The following CAPN5 variants were observed in gnomAD, a reference collection of about 807,000 sequenced individuals.
CAPN5 encodes calpain-5.
Under a neutral mutation model 73.0 loss-of-function variants are expected in CAPN5, and 54 were observed. The ratio of observed to expected loss-of-function variants is 0.74; its 90% confidence interval spans 0.59 to 0.93. The LOEUF (loss-of-function observed/expected upper bound fraction) is 0.93. CAPN5 is among the 40% of genes least tolerant of loss of function. CAPN5 has a pLI of 0.00. For synonymous variants in CAPN5, 335 were observed against 356.9 expected, an observed-to-expected ratio of 0.94 and a Z score of 0.69; for missense variants, 785 against 882.9, an observed-to-expected ratio of 0.89 and a Z score of 1.41.
At chr11:77,098,268 G>A (rs1409720718) in intron 3 of CAPN5, among the ~76,000 whole-genome samples, 1 of 101,166 alleles carries the variant, frequency 9.9e-6, no homozygotes, top group African/African-American at 4.3e-5. Context: ...GCGTCTGGCC[G>A]GGCGGGGGGC....
At chr11:77,094,695 C>T (rs1950189631) in intron 3 of CAPN5, among the ~76,000 whole-genome samples, 1 of 152,202 alleles carries the variant, frequency 6.6e-6, no homozygotes, top group African/African-American at 2.4e-5. Context: ...CACTTGGTAG[C>T]TTTGGAGCTG....
intron 9 of CAPN5, chr11:77,119,957 T>G (rs1343045891): frequency 6.6e-6 from 1 of 152,418 alleles, no homozygotes; most frequent in East Asian, 1.9e-4. Context: ...ACAGGTGCTG[T>G]GACCTCTGCA....
chr11:77,122,531 G>GCCCCCCCCCCCCCCCCCACC, intron 11 of CAPN5, 45 bp from the exon 12 acceptor site: 1 of 1,228,400 alleles, frequency 8.1e-7, no homozygotes, highest in Non-Finnish European at 1.2e-6. Flanking sequence ...CCCTGCCACA[G>GCCCCCCCCCCCCCCCCCACC]CCCCCACCCC....
chr11:77,123,406 G>A (rs1591152768), intron 12 of CAPN5, among the ~76,000 whole-genome samples: 1 of 152,302 alleles, frequency 6.6e-6, no homozygotes, highest in East Asian at 1.9e-4. Context: ...AACTAGGGCA[G>A]TGGGTGTACC....
At chr11:77,117,954 A>G (rs1950484400) in intron 7 of CAPN5, among the ~76,000 whole-genome samples, 2 of 152,192 alleles carry the variant, frequency 1.3e-5, no homozygotes, top group African/African-American at 4.8e-5. Flanking sequence ...CTCATTTTAC[A>G]GGTGAGGAAA....
intron 1 of CAPN5, among the ~76,000 whole-genome samples, chr11:77,075,418 G>A (rs557081396): frequency 5.3e-5 from 8 of 152,310 alleles, no homozygotes; most frequent in South Asian, 2.1e-4. Flanking sequence ...GTCCGCAAGC[G>A]TCCTGAGAGC....
intron 1 of CAPN5, among the ~76,000 whole-genome samples, chr11:77,070,237 G>A (rs1949888767): frequency 6.6e-6 from 1 of 152,190 alleles, no homozygotes; most frequent in African/African-American, 2.4e-5. Context: ...TCCCACAGTG[G>A]GCATGCAAGA....
chr11:77,075,617 G>A (rs1949961327), intron 1 of CAPN5, among the ~76,000 whole-genome samples: 2 of 152,224 alleles, frequency 1.3e-5, no homozygotes, highest in African/African-American at 4.8e-5. Context: ...GCCCGGATCT[G>A]CTGGGACCTG....
rs1555037025 is a variant in CAPN5, at chr11:77,093,761, G to C, written c.245G>C (p.Trp82Ser). 2.5e-6 allele frequency: 4 copies of C among 1,612,456 alleles called. No homozygotes were observed. The East Asian group carries it at 8.9e-5, about 36-fold the overall frequency. Residue 82 changes from tryptophan (W) to serine (S), a missense_variant, in exon 3 of 13, where the codon TGG (tryptophan) becomes TCG (serine). Transcript: ENST00000648180. ...DLHQGQVGNC[W>S]FVAACSSLAS... ...CACCAGGGCCAGGTGGGCAACTGCT[G>C]GTTTGTGGCAGCCTGCTCGTCACTT...
Position 77,116,218 on chromosome 11 carries a change from C to A in CAPN5, c.894-8C>A. 1 of 1,609,668 alleles carries A rather than the reference C, an allele frequency of 6.2e-7. No individual in the cohort carries two copies. The highest frequency in any genetic ancestry group is 8.5e-7 in the Non-Finnish European group (1 of 1,178,064). On this transcript the variant is annotated splice_region_variant and splice_polypyrimidine_tract_variant and intron_variant, in intron 6 of 12. Transcript: ENST00000648180. ...CTCCCTTTCTCCTCCCCGGCCCTGA[C>A]ACCCCAGCTCGGAGGAGTGGCAGAA...
intron 1 of CAPN5, among the ~76,000 whole-genome samples, chr11:77,069,390 G>A (rs1355350213): frequency 2.6e-5 from 4 of 152,146 alleles, no homozygotes; most frequent in Admixed American, 1.3e-4. Context: ...GGGAGAAGAA[G>A]GGTGGAAGGA....
chr11:77,082,717 C>A (rs1591114942), intron 1 of CAPN5, among the ~76,000 whole-genome samples: 1 of 152,178 alleles, frequency 6.6e-6, no homozygotes, highest in Non-Finnish European at 1.5e-5. Flanking sequence ...ATGGCCTCCA[C>A]CTCCCTTCCA....
At chr11:77,107,060 C>T (rs146026130) in intron 3 of CAPN5, among the ~76,000 whole-genome samples, 63 of 152,328 alleles carry the variant, frequency 4.1e-4, no homozygotes, top group Non-Finnish European at 7.2e-4. Flanking sequence ...CAGGACCTGC[C>T]GTGGCCACTC....
intron 3 of CAPN5, chr11:77,102,999 C>T (rs782075647): frequency 2.0e-5 from 32 of 1,613,416 alleles, no homozygotes; most frequent in Admixed American, 5.0e-5. Flanking sequence ...GTCTGTGTAC[C>T]GCCTCAACTT....
At chr11:77,068,883 T>G (rs1555032585) in intron 1 of CAPN5, among the ~76,000 whole-genome samples, 1 of 151,596 alleles carries the variant, frequency 6.6e-6, no homozygotes, top group Non-Finnish European at 1.5e-5. Context: ...TGGAGCAGGT[T>G]GGGAGTAAGT....
rs2135435657 is a variant in CAPN5, at chr11:77,093,603, G to A, written c.166-79G>A. 3 of 1,187,084 alleles carry A rather than the reference G, an allele frequency of 2.5e-6. No individual in the cohort carries two copies. The South Asian group carries it at 4.4e-5, about 18-fold the overall frequency. 73.5% of individuals were successfully genotyped at this position (1,187,084 alleles called of 1,614,324 possible). On this transcript the variant is annotated intron_variant, in intron 2 of 12. Coordinates refer to ENST00000648180, the MANE Select transcript of CAPN5 (RefSeq NM_004055.5). Reference sequence around the variant, plus strand: ...CAGCAAGTCTGTGTCTGTCACGTCTGTGTCTGTCATGTCTCCTGCCATGGG... The same window carrying A: ...CAGCAAGTCTGTGTCTGTCACGTCTATGTCTGTCATGTCTCCTGCCATGGG...
At chr11:77,069,243 G>A (rs551100257) in intron 1 of CAPN5, among the ~76,000 whole-genome samples, 1 of 152,290 alleles carries the variant, frequency 6.6e-6, no homozygotes, top group South Asian at 2.1e-4. Context: ...AGGGACTCGG[G>A]GGATGATGAA....
intron 1 of CAPN5, among the ~76,000 whole-genome samples, chr11:77,074,867 T>A (rs1949951752): frequency 6.6e-6 from 1 of 152,158 alleles, no homozygotes; most frequent in Non-Finnish European, 1.5e-5. Flanking sequence ...GCATTCTCCC[T>A]TCACCCCCAC....
intron 7 of CAPN5, 49 bp downstream of exon 7, chr11:77,116,352 G>A (rs558706779): frequency 1.4e-5 from 21 of 1,457,374 alleles, no homozygotes; most frequent in East Asian, 4.6e-5. Context: ...GGCTTCCCAC[G>A]GGCCTGGCGG....
Sources: gnomAD v4.1 joint callset for allele counts (sites outside exome capture counted in the v4.1 genomes callset) on GRCh38, gnomAD v4.1.1 for gene constraint, MANE v1.5 for transcripts, NCBI Gene and HGNC (gene_info 2026-07-23, HGNC 2026-07-21) for gene names.